Variants in IFT46 observed in about 807,000 individuals in gnomAD.
IFT46 encodes the protein intraflagellar transport 46.
Under a neutral mutation model 39.6 loss-of-function variants are expected in IFT46, and 19 were observed. The ratio of observed to expected loss-of-function variants is 0.48; its 90% CI spans 0.33 to 0.70. The LOEUF (loss-of-function observed/expected upper bound fraction) is 0.70. Ranked by LOEUF, IFT46 falls within the 30% of genes least tolerant of loss-of-function variation. The probability of loss-of-function intolerance (pLI) is 0.01; values close to 1 mark genes in which losing one functional copy is unlikely to be tolerated. For synonymous variants in IFT46, 117 were observed against 134.8 expected, an observed-to-expected ratio of 0.87 and a Z score of 0.91; for missense variants, 334 against 364.8, an observed-to-expected ratio of 0.92 and a Z score of 0.69.
intron 1 of IFT46, chr11:118,572,243 G>A: frequency 2.4e-6 from 1 of 424,612 alleles, no homozygotes; most frequent in Non-Finnish European, 4.2e-6. Flanking sequence ...AGTGAAAGGG[G>A]AGAGATACGA....
chr11:118,572,744 A>G lies in IFT46; in HGVS notation c.-281T>C, dbSNP rs1396230939. 33 of 560,222 alleles carry G rather than the reference A, an allele frequency of 5.9e-5. No homozygotes were observed. The East Asian group carries it at 9.5e-4, about 16-fold the overall frequency. The allele number at this position is 560,222 out of a possible 1,614,324, so 34.7% of individuals were successfully genotyped here. The stretch of plus-strand genomic sequence containing the variant: ...GATCCGATGGAGCTGACTCCAGTCC[A>G]TCTGTCGTCGTGCCCGCTTCCGCAC... On this transcript the variant is annotated 5_prime_UTR_variant, in exon 1 of 6. Coordinates refer to the IFT46 transcript ENST00000528378.
intron 1 of IFT46, among the ~76,000 whole-genome samples, chr11:118,571,152 CTG>C (rs1305502890): frequency 2.0e-5 from 3 of 152,168 alleles, no homozygotes; most frequent in African/African-American, 4.8e-5. Flanking sequence ...GTTTCTGTCT[CTG>C]TGGATTTTCT....
At chr11:118,545,558 G>T in intron 10 of IFT46, 64 bp from the exon 11 acceptor site, 2 of 1,376,498 alleles carry the variant, frequency 1.5e-6, no homozygotes, top group Non-Finnish European at 2.1e-6. Flanking sequence ...AGGCCCTTCT[G>T]TCTAGCACAG....
intron 9 of IFT46, chr11:118,546,334 C>A (rs1330707383): frequency 3.4e-6 from 2 of 586,582 alleles, no homozygotes; most frequent in African/African-American, 3.8e-5. Flanking sequence ...TCCATCTCTA[C>A]AAAAAAATTA....
At chr11:118,548,406 T>C (rs1951746340) in intron 9 of IFT46, among the ~76,000 whole-genome samples, 1 of 146,500 alleles carries the variant, frequency 6.8e-6, no homozygotes, top group African/African-American at 2.6e-5. Context: ...CACTCTGTCA[T>C]GAGGCTGGAA....
intron 3 of IFT46, among the ~76,000 whole-genome samples, chr11:118,559,114 C>T (rs1182882591): frequency 2.6e-5 from 4 of 151,738 alleles, no homozygotes; most frequent in African/African-American, 9.7e-5. Context: ...GTGATCCGCC[C>T]GCCTCGGCCT....
chr11:118,575,005 A>G (rs1938455439), upstream of IFT46, among the ~76,000 whole-genome samples: 1 of 151,920 alleles, frequency 6.6e-6, no homozygotes, highest in Non-Finnish European at 1.5e-5. Flanking sequence ...TTCGAGACGG[A>G]TTCTCGCTCT....
chr11:118,546,479 T>G, intron 9 of IFT46: 1 of 246,266 alleles, frequency 4.1e-6, no homozygotes. Flanking sequence ...CATAGAGTAA[T>G]ACCCTGTAAA....
chr11:118,568,191 T>C (rs1591374874), upstream of IFT46, among the ~76,000 whole-genome samples: 1 of 152,346 alleles, frequency 6.6e-6, no homozygotes, highest in East Asian at 1.9e-4. Flanking sequence ...AACAGGATTT[T>C]TACTTTTCTA....
At chr11:118,569,364 G>A (rs969604115), upstream of IFT46, among the ~76,000 whole-genome samples, 3 of 150,402 alleles carry the variant, frequency 2.0e-5, no homozygotes, top group Admixed American at 2.0e-4. Context: ...GGGACAAGAT[G>A]GGAGTACTGC....
At chr11:118,564,219 G>T (rs754184716) in intron 2 of IFT46, among the ~76,000 whole-genome samples, 3 of 149,598 alleles carry the variant, frequency 2.0e-5, no homozygotes, top group African/African-American at 4.9e-5. Context: ...AAAAAAAGTG[G>T]GTCTCCTTCC....
In IFT46 at chr11:118,545,838, C is replaced by T. The variant is rs1389392003; in HGVS notation, c.688G>A (p.Ala230Thr). ...ELLGKVSLPT[A>T]EIDCSLAEYI... ...TCTGCCAGGCTGCAATCAATCTCTG[C>T]CGTGGGCAGGCTTACCTGGAAGGGG... Residue 230 changes from alanine to threonine, a missense_variant, in exon 10 of 12, where the codon GCA (alanine) becomes ACA (threonine). Coordinates refer to ENST00000264021, the MANE Select transcript of IFT46 (RefSeq NM_001168618.2). 2 of 1,614,156 alleles carry T rather than the reference C, an allele frequency of 1.2e-6. No individual in the cohort carries two copies. The highest frequency in any genetic ancestry group is 1.7e-6 in the Non-Finnish European group (2 of 1,180,018).
At chr11:118,576,466 C>G (rs1938515721), upstream of IFT46, among the ~76,000 whole-genome samples, 1 of 136,278 alleles carries the variant, frequency 7.3e-6, no homozygotes, top group Non-Finnish European at 1.6e-5. Flanking sequence ...ACTTTGTAAT[C>G]ATATTTATTA....
At chr11:118,569,096 G>A (rs1174744665), upstream of IFT46, among the ~76,000 whole-genome samples, 6 of 149,410 alleles carry the variant, frequency 4.0e-5, no homozygotes, top group East Asian at 2.0e-4. Flanking sequence ...GCCTGGCCAT[G>A]GTGAAACCCC....
chr11:118,576,647 A>G (rs538062657), upstream of IFT46, among the ~76,000 whole-genome samples: 1 of 152,294 alleles, frequency 6.6e-6, no homozygotes, highest in South Asian at 2.1e-4. Flanking sequence ...GGATAAATTT[A>G]TCATGTTTAG....
chr11:118,550,612 C>T (rs1054478284), intron 9 of IFT46, among the ~76,000 whole-genome samples: 1 of 152,140 alleles, frequency 6.6e-6, no homozygotes, highest in Non-Finnish European at 1.5e-5. Context: ...TGTGCCCGGC[C>T]CACATTAACT....
At position 118,559,880 on chromosome 11, in the gene IFT46, T is replaced by C; in HGVS notation, c.-35-16A>G. 6.9e-7 allele frequency: 1 copy of C among 1,450,276 alleles called. No homozygotes were observed. The allele number at this position is 1,450,276 out of a possible 1,614,324, so 89.8% of individuals were successfully genotyped here. A position where few individuals can be genotyped will look rare whatever the true frequency, so the allele number is the denominator to read the frequency against. On this transcript the variant is annotated splice_polypyrimidine_tract_variant and intron_variant, in intron 2 of 11. Coordinates refer to ENST00000264021, the MANE Select transcript of IFT46 (RefSeq NM_001168618.2). ...CGAGGAAGTCCTTAGAAAAAAAGTT[T>C]TTCCTTTAGATTATTGTTAAAATGA...
chr11:118,562,295 C>T (rs1414161696), intron 2 of IFT46, among the ~76,000 whole-genome samples: 1 of 150,660 alleles, frequency 6.6e-6, no homozygotes, highest in Admixed American at 6.6e-5. Context: ...AAAAAATTAG[C>T]TGGACATGGG....
At position 118,551,670 on chromosome 11, in the gene IFT46, C is replaced by CAAA. The variant is rs537215530; in HGVS notation, c.672+113_672+115dup. ...GCCTGGGAAGAGCAAGACCCTGTCT[C>CAAA]AAAAAAAAAAAAAAAAAAAAGTTAC... On this transcript the variant is annotated intron_variant, in intron 9 of 11. Coordinates refer to ENST00000264021, the MANE Select transcript of IFT46 (RefSeq NM_001168618.2). 4,008 of 457,608 alleles carry CAAA rather than the reference C, an allele frequency of 8.8e-3. 4 individuals carry two copies. The highest frequency in any genetic ancestry group is 0.026 in the East Asian group (624 of 24,074). 28.3% of individuals were successfully genotyped at this position (457,608 alleles called of 1,614,324 possible). A position where few individuals can be genotyped will look rare whatever the true frequency, so the allele number is the denominator to read the frequency against.
Sources: allele counts gnomAD v4.1 joint callset (sites outside exome capture counted in the v4.1 genomes callset), GRCh38; gene constraint gnomAD v4.1.1; transcripts MANE v1.5; gene names NCBI Gene and HGNC (gene_info 2026-07-23, HGNC 2026-07-21).